The following COX7B2 variants were observed in gnomAD, a reference collection of about 807,000 sequenced individuals.
COX7B2 encodes the protein cytochrome c oxidase subunit 7B2, mitochondrial.
For synonymous variants in COX7B2, 37 were observed against 32.1 expected (o/e 1.15, Z -0.51); for missense variants, 109 against 95.9 (o/e 1.14, Z -0.57).
At chr4:46,798,685 C>A (rs763059981) in intron 2 of COX7B2, among the ~76,000 whole-genome samples, 1 of 152,114 alleles carries the variant, frequency 6.6e-6, no homozygotes, top group African/African-American at 2.4e-5. Context: ...AGTTCCCATG[C>A]GACCTGAGTT....
chr4:46,878,640 T>C (rs896399988), intron 1 of COX7B2, among the ~76,000 whole-genome samples: 6 of 152,118 alleles, frequency 3.9e-5, no homozygotes, highest in African/African-American at 7.2e-5. Flanking sequence ...AGGGAAAATA[T>C]GTTGGCTGTA....
chr4:46,840,043 T>C (rs76236241), intron 2 of COX7B2, among the ~76,000 whole-genome samples: 47 of 152,108 alleles, frequency 3.1e-4, no homozygotes, highest in African/African-American at 1.1e-3. Context: ...GTTCTCTTAG[T>C]AGTGAAAAAT....
chr4:46,847,075 G>T (rs548470741), intron 1 of COX7B2, among the ~76,000 whole-genome samples: 1 of 152,044 alleles, frequency 6.6e-6, no homozygotes, highest in Admixed American at 6.6e-5. Flanking sequence ...AGATATAGCC[G>T]TTGAGATGTA....
At chr4:46,879,783 G>A (rs574346240) in intron 1 of COX7B2, among the ~76,000 whole-genome samples, 6 of 151,266 alleles carry the variant, frequency 4.0e-5, no homozygotes, top group Admixed American at 3.3e-4. Context: ...AAGGAGTGCC[G>A]TTCCAATCCT....
intron 1 of COX7B2, among the ~76,000 whole-genome samples, chr4:46,885,683 G>A (rs555389877): frequency 6.6e-5 from 10 of 152,144 alleles, no homozygotes; most frequent in Admixed American, 3.3e-4. Flanking sequence ...TCAAAACTGC[G>A]CTTGATTATT....
intron 2 of COX7B2, among the ~76,000 whole-genome samples, chr4:46,785,406 C>T (rs1717700057): frequency 6.7e-6 from 1 of 148,546 alleles, no homozygotes. Context: ...CGGAGTCTTG[C>T]TCTGTCACCC....
At chr4:46,849,195 A>C (rs531649280) in intron 1 of COX7B2, among the ~76,000 whole-genome samples, 1 of 152,008 alleles carries the variant, frequency 6.6e-6, no homozygotes, top group Non-Finnish European at 1.5e-5. Flanking sequence ...TAGTAATACA[A>C]CTCTGCCCCT....
intron 1 of COX7B2, among the ~76,000 whole-genome samples, chr4:46,865,099 G>A (rs1481087813): frequency 1.3e-5 from 2 of 151,952 alleles, no homozygotes; most frequent in East Asian, 1.9e-4. Context: ...TTAATCTCTA[G>A]CACCTCTTCT....
chr4:46,842,219 C>G (rs1461799772), intron 2 of COX7B2, among the ~76,000 whole-genome samples: 1 of 152,004 alleles, frequency 6.6e-6, no homozygotes, highest in Non-Finnish European at 1.5e-5. Context: ...CAAAGCAATT[C>G]TGGCTTTCAG....
intron 2 of COX7B2, among the ~76,000 whole-genome samples, chr4:46,760,920 G>A (rs542159778): frequency 1.3e-5 from 2 of 152,226 alleles, no homozygotes; most frequent in African/African-American, 4.8e-5. Flanking sequence ...TGTTTGAAGT[G>A]AACTCATTAT....
At chr4:46,766,700 C>T (rs1716559819) in intron 2 of COX7B2, among the ~76,000 whole-genome samples, 1 of 106,726 alleles carries the variant, frequency 9.4e-6, no homozygotes, top group Admixed American at 1.2e-4. Context: ...GACTCCGTCT[C>T]GAAAAGAAAA....
intron 2 of COX7B2, among the ~76,000 whole-genome samples, chr4:46,804,790 C>T (rs929918000): frequency 2.0e-5 from 3 of 152,252 alleles, no homozygotes; most frequent in Admixed American, 6.5e-5. Context: ...CTACCGGGGC[C>T]GCAGGTGGAG....
chr4:46,874,395 G>A (rs1045917830), intron 1 of COX7B2, among the ~76,000 whole-genome samples: 1 of 152,126 alleles, frequency 6.6e-6, no homozygotes, highest in Non-Finnish European at 1.5e-5. Context: ...GTGGTGAGTA[G>A]AATTTCACCT....
chr4:46,804,977 G>A (rs1406015502), intron 2 of COX7B2, among the ~76,000 whole-genome samples: 1 of 152,186 alleles, frequency 6.6e-6, no homozygotes, highest in Non-Finnish European at 1.5e-5. Flanking sequence ...CCCGAGCCCT[G>A]CCGCATGGGA....
At chr4:46,798,791 T>C (rs1029017717) in intron 2 of COX7B2, among the ~76,000 whole-genome samples, 1 of 152,140 alleles carries the variant, frequency 6.6e-6, no homozygotes, top group Non-Finnish European at 1.5e-5. Flanking sequence ...ATATACATGA[T>C]GGGTCCTGAG....
intron 1 of COX7B2, among the ~76,000 whole-genome samples, chr4:46,881,005 A>C (rs184516398): frequency 2.6e-5 from 4 of 151,538 alleles, no homozygotes; most frequent in African/African-American, 9.7e-5. Context: ...AAAAAAAAAA[A>C]AAAAAACTCT....
At chr4:46,875,084 G>GTTCT (rs1718240222) in intron 1 of COX7B2, among the ~76,000 whole-genome samples, 1 of 152,010 alleles carries the variant, frequency 6.6e-6, no homozygotes, top group African/African-American at 2.4e-5. Flanking sequence ...TCTGCCTGTT[G>GTTCT]GTAACTGCTA....
intron 2 of COX7B2, among the ~76,000 whole-genome samples, chr4:46,754,722 G>GTATA (rs1396491793): frequency 0.016 from 534 of 34,046 alleles, 12 homozygotes; most frequent in Non-Finnish European, 0.022. Flanking sequence ...GTGTGTGTGT[G>GTATA]TGTGTGTATA....
chr4:46,792,804 T>G (rs1718120496), intron 2 of COX7B2, among the ~76,000 whole-genome samples: 1 of 152,218 alleles, frequency 6.6e-6, no homozygotes, highest in Non-Finnish European at 1.5e-5. Context: ...GGACAAGTTT[T>G]CTAAATTGAC....
Sources: allele counts gnomAD v4.1 joint callset (sites outside exome capture counted in the v4.1 genomes callset), GRCh38; gene constraint gnomAD v4.1.1; transcripts MANE v1.5; gene names NCBI Gene and HGNC (gene_info 2026-07-23, HGNC 2026-07-21).